Variants in MAP3K13 observed in about 807,000 individuals in gnomAD.
MAP3K13 encodes the protein mitogen-activated protein kinase kinase kinase 13.
Under a neutral mutation model 104.0 loss-of-function variants are expected in MAP3K13, and 52 were observed. The ratio of observed to expected loss-of-function variants is 0.50; its 90% CI spans 0.40 to 0.63. The LOEUF (loss-of-function observed/expected upper bound fraction) is 0.63, where lower values mean the gene tolerates loss of function less well. Ranked by LOEUF, MAP3K13 falls within the 20% of genes least tolerant of loss-of-function variation. MAP3K13 has a pLI of 0.00. For synonymous variants in MAP3K13, 394 were observed against 442.2 expected (o/e 0.89, Z 1.37); for missense variants, 914 against 1,218.5 (o/e 0.75, Z 3.72).
At chr3:185,455,705 G>GAA (rs1553808912) in intron 7 of MAP3K13, among the ~76,000 whole-genome samples, 4 of 10,588 alleles carry the variant, frequency 3.8e-4, no homozygotes, top group African/African-American at 8.2e-4. Context: ...ATATATATGA[G>GAA]ATATATATGA....
intron 1 of MAP3K13, among the ~76,000 whole-genome samples, chr3:185,421,044 A>G (rs573319357): frequency 2.2e-4 from 34 of 152,322 alleles, no homozygotes; most frequent in African/African-American, 7.5e-4. Flanking sequence ...AAGGGCAGAT[A>G]CGGGAGCACT....
intron 4 of MAP3K13, among the ~76,000 whole-genome samples, chr3:185,447,494 CAAAAAAAA>C (rs1178155454): frequency 0.013 from 376 of 28,396 alleles, 2 homozygotes; most frequent in African/African-American, 0.043. Flanking sequence ...AACTCTGTCT[CAAAAAAAA>C]AAAAAAAAAA....
intron 2 of MAP3K13, among the ~76,000 whole-genome samples, chr3:185,430,455 C>T (rs990211702): frequency 2.6e-5 from 4 of 152,092 alleles, no homozygotes; most frequent in East Asian, 1.9e-4. Flanking sequence ...TCCCCCCACC[C>T]TCCACCCTCA....
At chr3:185,319,379 T>C (rs1577419940) in intron 2 of MAP3K13, among the ~76,000 whole-genome samples, 1 of 152,264 alleles carries the variant, frequency 6.6e-6, no homozygotes, top group East Asian at 1.9e-4. Flanking sequence ...CCCTAACCTT[T>C]CTTGTGTCAC....
At chr3:185,446,370 C>T (rs1363228226) in intron 4 of MAP3K13, among the ~76,000 whole-genome samples, 1 of 152,078 alleles carries the variant, frequency 6.6e-6, no homozygotes, top group Non-Finnish European at 1.5e-5. Context: ...ATTCTCCTGC[C>T]TCAGCCTCCC....
intron 2 of MAP3K13, among the ~76,000 whole-genome samples, chr3:185,341,087 C>T (rs199780585): frequency 1.3e-5 from 2 of 152,132 alleles, no homozygotes; most frequent in East Asian, 3.9e-4. Context: ...TACTATTCAA[C>T]ACACCACAAC....
intron 7 of MAP3K13, among the ~76,000 whole-genome samples, chr3:185,455,788 T>G (rs189668071): frequency 2.7e-5 from 2 of 74,530 alleles, no homozygotes; most frequent in Non-Finnish European, 5.6e-5. Context: ...ATATATGAGA[T>G]ATATATATGA....
chr3:185,392,773 G>A (rs146876613), intron 1 of MAP3K13, among the ~76,000 whole-genome samples: 2 of 152,264 alleles, frequency 1.3e-5, no homozygotes, highest in East Asian at 1.9e-4. Context: ...GGCTGACCGG[G>A]TGTGGTGGCT....
At chr3:185,352,129 C>T (rs539227753) in intron 2 of MAP3K13, among the ~76,000 whole-genome samples, 20 of 152,216 alleles carry the variant, frequency 1.3e-4, no homozygotes, top group Non-Finnish European at 2.6e-4. Flanking sequence ...AGAGTGGCCA[C>T]GTACCCACCT....
intron 2 of MAP3K13, among the ~76,000 whole-genome samples, chr3:185,331,016 TC>T (rs1485339611): frequency 8.6e-5 from 13 of 151,882 alleles, no homozygotes; most frequent in Non-Finnish European, 1.8e-4. Flanking sequence ...AGAGAGGCCT[TC>T]CCAGACTACC....
At chr3:185,437,000 C>CAAAAAAAAAA (rs58819806) in intron 2 of MAP3K13, among the ~76,000 whole-genome samples, 3 of 36,940 alleles carry the variant, frequency 8.1e-5, no homozygotes, top group Non-Finnish European at 1.4e-4. Context: ...GACTCTGTCT[C>CAAAAAAAAAA]AAAAAAAAAA....
chr3:185,418,569 G>A lies in MAP3K13; in HGVS notation c.-85-9928G>A, dbSNP rs929721378. On this transcript the variant is annotated intron_variant, in intron 1 of 13. Transcript: ENST00000265026. This position sits in a 1 kb window ranked among gnomAD's most constrained non-coding sequence, Gnocchi z 4.5. ...CTCTGGGAATTCGAGCCATAGCTCT[G>A]CCAGTACCCCAAGACTCAGCACTGG... 5.0e-6 allele frequency: 8 copies of A among 1,612,204 alleles called. No homozygotes were observed. In the African/African-American group the frequency reaches 1.1e-4, roughly 22 times the overall value.
intron 2 of MAP3K13, 21 bp downstream of exon 2, chr3:185,429,077 G>A: frequency 6.2e-7 from 1 of 1,601,976 alleles, no homozygotes; most frequent in Non-Finnish European, 8.5e-7. Flanking sequence ...ATATGGACTT[G>A]GAAGATATTT....
chr3:185,477,815 A>C (rs1443138485), intron 12 of MAP3K13, among the ~76,000 whole-genome samples: 1 of 152,210 alleles, frequency 6.6e-6, no homozygotes, highest in Non-Finnish European at 1.5e-5. Flanking sequence ...GGGAAGTTCA[A>C]GATCAAGGTT....
chr3:185,401,770 G>T lies in MAP3K13; in HGVS notation c.-85-26727G>T, dbSNP rs1712828558. Among the ~76,000 whole-genome samples, 3 of 152,260 alleles carry T rather than the reference G, an allele frequency of 2.0e-5. No homozygotes were observed. The South Asian group carries it at 6.2e-4, about 32-fold the overall frequency. ...AAAATATAAACAACCACATGGTCAG[G>T]CTTATTTTTCTTGGCATACTTCCAT... On this transcript the variant is annotated intron_variant, in intron 1 of 13. Coordinates refer to ENST00000265026, the MANE Select transcript of MAP3K13 (RefSeq NM_004721.5).
chr3:185,418,162 C>T lies in MAP3K13; in HGVS notation c.-85-10335C>T. 1 of 1,608,654 alleles carries T rather than the reference C, an allele frequency of 6.2e-7. No individual in the cohort carries two copies. The highest frequency in any genetic ancestry group is 1.1e-5 in the South Asian group (1 of 90,908). On this transcript the variant is annotated intron_variant, in intron 1 of 13. Coordinates refer to ENST00000265026, the MANE Select transcript of MAP3K13 (RefSeq NM_004721.5). The surrounding 1 kb of genome is among the most constrained non-coding windows in gnomAD (Gnocchi z 4.5). ...ATCCTCATTATAGATGATGCACAGGCCCCTGCGCTGGATACGGCGACGGTT... is the reference window on the plus strand; with the variant it reads ...ATCCTCATTATAGATGATGCACAGGTCCCTGCGCTGGATACGGCGACGGTT...
intron 2 of MAP3K13, among the ~76,000 whole-genome samples, chr3:185,435,922 C>G (rs1577555776): frequency 6.6e-6 from 1 of 152,160 alleles, no homozygotes; most frequent in Non-Finnish European, 1.5e-5. Context: ...CTCAACACTA[C>G]TTTGTTCCAT....
intron 1 of MAP3K13, among the ~76,000 whole-genome samples, chr3:185,399,661 G>GGGAAGGAA (rs1192557101): frequency 6.6e-4 from 1 of 1,516 alleles, no homozygotes; most frequent in African/African-American, 1.8e-3. Context: ...GAAAAAAGGA[G>GGGAAGGAA]GGAAGGAAGG....
chr3:185,319,105 T>C (rs1721773242), intron 2 of MAP3K13, among the ~76,000 whole-genome samples: 1 of 152,198 alleles, frequency 6.6e-6, no homozygotes, highest in African/African-American at 2.4e-5. Flanking sequence ...TGTATGTCTT[T>C]TTCTGGGACA....
Sources: allele counts gnomAD v4.1 joint callset (sites outside exome capture counted in the v4.1 genomes callset), GRCh38; gene constraint gnomAD v4.1.1; non-coding constraint Gnocchi (gnomAD v3.1); transcripts MANE v1.5; gene names NCBI Gene and HGNC (gene_info 2026-07-23, HGNC 2026-07-21).